The following ARHGAP36 variants were observed in gnomAD, a reference collection of about 807,000 sequenced individuals.
ARHGAP36 encodes the protein Rho GTPase activating protein 36.
In ARHGAP36, 7 loss-of-function variants were observed where a neutral mutation model predicts 32.9. The ratio of observed to expected loss-of-function variants is 0.21; its 90% CI spans 0.12 to 0.40. The LOEUF is 0.40. Ranked by LOEUF, ARHGAP36 falls within the 10% of genes least tolerant of loss-of-function variation. The pLI is 1.00. For synonymous variants in ARHGAP36, 165 were observed against 168.3 expected (o/e 0.98, Z 0.15); for missense variants, 383 against 442.2 (o/e 0.87, Z 1.20).
Position 131,067,984 on chromosome X carries a change from C to T in ARHGAP36, c.-143+9540C>T, listed in dbSNP as rs182575861. Reference sequence around the variant, plus strand: ...CATCCACACATTGCACACACATATACACTCACCACAGCACGACCACAAACC... The same window carrying T: ...CATCCACACATTGCACACACATATATACTCACCACAGCACGACCACAAACC... On this transcript the variant is annotated intron_variant, in intron 1 of 11. Transcript: ENST00000276211. Among the ~76,000 whole-genome samples the T allele has an allele frequency of 2.1e-4, 23 of 111,576 alleles. No individual in the cohort carries two copies. In the East Asian group the frequency reaches 6.5e-3, roughly 32 times the overall value.
At chrX:131,071,478 TG>T (rs2148638193) in intron 1 of ARHGAP36, among the ~76,000 whole-genome samples, 1 of 111,310 alleles carries the variant, frequency 9.0e-6, no homozygotes, top group South Asian at 3.9e-4. Flanking sequence ...ATGGTAGCAA[TG>T]ATGGTGAGGT....
chrX:131,084,642 G>T lies in ARHGAP36; in HGVS notation c.765G>T (p.Gly255=). Residue 255 remains glycine (G), a synonymous_variant, in exon 6 of 12, where the codon GGG becomes GGT. Transcript: ENST00000276211. ...FIEKHGLSAV[G]IFTLEYSVQR... is the part of the protein sequence containing the mutation. Reference sequence around the variant, plus strand: ...TTCTTTCAGGCTTAAGCGCAGTGGGGATTTTTACCCTTGAATACTCCGTGC... The same window carrying T: ...TTCTTTCAGGCTTAAGCGCAGTGGGTATTTTTACCCTTGAATACTCCGTGC... 8.3e-7 allele frequency: 1 copy of T among 1,211,921 alleles called. No homozygotes were observed.
At chrX:131,061,005 T>TTCAGGAG (rs2079665283) in intron 1 of ARHGAP36, among the ~76,000 whole-genome samples, 1 of 111,529 alleles carries the variant, frequency 9.0e-6, no homozygotes, top group Non-Finnish European at 1.9e-5. Flanking sequence ...TTCAGAAGTC[T>TTCAGGAG]TCAGGAGTCA....
intron 1 of ARHGAP36, among the ~76,000 whole-genome samples, chrX:131,068,151 G>C (rs2079710465): frequency 1.8e-5 from 2 of 111,450 alleles, no homozygotes; most frequent in Non-Finnish European, 3.8e-5. Flanking sequence ...ACCACACCAA[G>C]CACTCCAGCT....
At position 131,080,062 on chromosome X, in the gene ARHGAP36, T is replaced by G. The variant is rs755365649; in HGVS notation, c.-142-1462T>G. On this transcript the variant is annotated intron_variant, in intron 1 of 11. Coordinates refer to ENST00000276211, the MANE Select transcript of ARHGAP36 (RefSeq NM_144967.4). Reference sequence around the variant, plus strand: ...TTTTCCAAGGTGCAACCCTGAATCTTTCACTCCCTGCCTAAAGCCCTATTG... The same window carrying G: ...TTTTCCAAGGTGCAACCCTGAATCTGTCACTCCCTGCCTAAAGCCCTATTG... Among the ~76,000 whole-genome samples, 3 of 111,977 alleles carry G rather than the reference T, an allele frequency of 2.7e-5. No individual in the cohort carries two copies. The East Asian group carries it at 8.4e-4, about 31-fold the overall frequency.
chrX:131,088,567 G>A, intron 11 of ARHGAP36, 61 bp from the exon 12 acceptor site: 1 of 1,142,995 alleles, frequency 8.7e-7, no homozygotes, highest in Non-Finnish European at 1.2e-6. Flanking sequence ...TAGTGCCTTG[G>A]GTGCTGCGCA....
intron 1 of ARHGAP36, chrX:131,078,694 G>T (rs1418117944): frequency 3.5e-6 from 3 of 857,773 alleles, no homozygotes; most frequent in Non-Finnish European, 4.6e-6. Flanking sequence ...TGGGGACATT[G>T]GTCTTCCTAA....
intron 1 of ARHGAP36, among the ~76,000 whole-genome samples, chrX:131,066,867 T>A (rs2079701459): frequency 8.9e-6 from 1 of 111,899 alleles, no homozygotes; most frequent in African/African-American, 3.3e-5. Flanking sequence ...CCCAAGGAGA[T>A]AATGCATGTC....
intron 1 of ARHGAP36, among the ~76,000 whole-genome samples, chrX:131,067,582 C>T (rs1603392662): frequency 8.9e-6 from 1 of 112,436 alleles, no homozygotes; most frequent in Non-Finnish European, 1.9e-5. Flanking sequence ...CCCACTCGTC[C>T]CCGCCCCCAA....
chrX:131,081,995 G>T, intron 2 of ARHGAP36, 77 bp downstream of exon 2: 2 of 1,117,158 alleles, frequency 1.8e-6, no homozygotes, highest in Non-Finnish European at 2.4e-6. Context: ...CGGATTAGGG[G>T]TCTGGCAGGG....
intron 1 of ARHGAP36, among the ~76,000 whole-genome samples, chrX:131,058,988 A>G (rs900467363): frequency 8.9e-6 from 1 of 112,359 alleles, no homozygotes; most frequent in African/African-American, 3.2e-5. Context: ...AGGTTACCCA[A>G]CAGGTTGGCA....
chrX:131,080,266 C>T (rs768233822), intron 1 of ARHGAP36, among the ~76,000 whole-genome samples: 17 of 111,377 alleles, frequency 1.5e-4, no homozygotes, highest in Non-Finnish European at 3.0e-4. Flanking sequence ...CCTCCTCTGT[C>T]TCCAGGCAGA....
At chrX:131,070,513 A>G (rs140381057) in intron 1 of ARHGAP36, among the ~76,000 whole-genome samples, 1 of 110,700 alleles carries the variant, frequency 9.0e-6, no homozygotes, top group African/African-American at 3.3e-5. Context: ...GCATTGGCAC[A>G]CTCCTGGGGA....
intron 1 of ARHGAP36, among the ~76,000 whole-genome samples, chrX:131,061,863 T>G (rs949243857): frequency 8.9e-6 from 1 of 112,385 alleles, no homozygotes; most frequent in African/African-American, 3.2e-5. Context: ...ACAGAATCTG[T>G]GTGATGAAAA....
chrX:131,082,061 A>G, intron 2 of ARHGAP36, 143 bp downstream of exon 2: 1 of 785,592 alleles, frequency 1.3e-6, no homozygotes, highest in Non-Finnish European at 1.8e-6. Flanking sequence ...CGTCTGGGGA[A>G]CTGAAGAAGC....
intron 5 of ARHGAP36, 93 bp downstream of exon 5, chrX:131,084,500 AG>A: frequency 8.8e-7 from 1 of 1,136,407 alleles, no homozygotes; most frequent in Middle Eastern, 2.7e-4. Flanking sequence ...CCGAGGATGA[AG>A]GGCTTGGATA....
intron 1 of ARHGAP36, among the ~76,000 whole-genome samples, chrX:131,066,354 T>C (rs2079698791): frequency 9.0e-6 from 1 of 111,676 alleles, no homozygotes; most frequent in Admixed American, 9.5e-5. Context: ...ATTCTTCACC[T>C]CCATTTCCCT....
intron 1 of ARHGAP36, among the ~76,000 whole-genome samples, chrX:131,073,710 GCT>G (rs1416219555): frequency 9.0e-6 from 1 of 111,386 alleles, no homozygotes; most frequent in Non-Finnish European, 1.9e-5. Flanking sequence ...GCTTGGAGAC[GCT>G]CTCTGACTTG....
chrX:131,060,362 C>T (rs766353567), intron 1 of ARHGAP36, among the ~76,000 whole-genome samples: 5 of 111,462 alleles, frequency 4.5e-5, no homozygotes, highest in Non-Finnish European at 9.4e-5. Context: ...CATAAACACA[C>T]CCATAACATA....
Sources: allele counts gnomAD v4.1 joint callset (sites outside exome capture counted in the v4.1 genomes callset), GRCh38; gene constraint gnomAD v4.1.1; transcripts MANE v1.5; gene names NCBI Gene and HGNC (gene_info 2026-07-23, HGNC 2026-07-21).